Variants in LOC400499 observed in about 807,000 individuals in gnomAD.
At chr16:11,471,897 T>C in the LOC400499 span, 1 of 398,776 alleles carries the variant, frequency 2.5e-6, no homozygotes, top group Non-Finnish European at 4.4e-6. Context: ...AGCTGCCACA[T>C]CAGCAAAGAA....
At chr16:11,523,214 A>AGCTT in the LOC400499 span, among the ~76,000 whole-genome samples, 4 of 152,282 alleles carry the variant, frequency 2.6e-5, no homozygotes, top group East Asian at 7.7e-4. Context: ...TTTTACTCTG[A>AGCTT]GCTTGCTATT....
the LOC400499 span, chr16:11,460,332 G>T: frequency 9.2e-7 from 1 of 1,089,044 alleles, no homozygotes; most frequent in Non-Finnish European, 1.2e-6. Context: ...GACTGAGACT[G>T]AAGTTCCAGC....
the LOC400499 span, among the ~76,000 whole-genome samples, chr16:11,429,942 G>A: frequency 1.3e-5 from 2 of 152,152 alleles, no homozygotes; most frequent in Admixed American, 6.5e-5. Flanking sequence ...TCTCACCCCA[G>A]TTACTTATTA....
At chr16:11,446,080 C>T in the LOC400499 span, among the ~76,000 whole-genome samples, 1 of 152,064 alleles carries the variant, frequency 6.6e-6, no homozygotes, top group African/African-American at 2.4e-5. Context: ...CCGCCTTGGC[C>T]TCCCAAAGTG....
the LOC400499 span, among the ~76,000 whole-genome samples, chr16:11,437,747 T>C: frequency 6.6e-6 from 1 of 152,112 alleles, no homozygotes; most frequent in Admixed American, 6.5e-5. Flanking sequence ...CGCATGCCTG[T>C]AATCCCAGCT....
chr16:11,385,672 T>C, the LOC400499 span, among the ~76,000 whole-genome samples: 2 of 152,236 alleles, frequency 1.3e-5, no homozygotes, highest in Non-Finnish European at 2.9e-5. Context: ...ACAAAAATAC[T>C]GTGCTAAGTA....
the LOC400499 span, among the ~76,000 whole-genome samples, chr16:11,479,479 C>T: frequency 1.4e-3 from 211 of 148,444 alleles, 4 homozygotes; most frequent in South Asian, 0.02. Flanking sequence ...AAAAAAAAGC[C>T]GGGTATGGTG....
chr16:11,459,828 G>A, the LOC400499 span: 2 of 1,248,558 alleles, frequency 1.6e-6, no homozygotes, highest in Non-Finnish European at 2.0e-6. Flanking sequence ...GCCATGTGGG[G>A]GTTCCCCAGC....
chr16:11,460,543 G>A, the LOC400499 span: 22 of 1,535,618 alleles, frequency 1.4e-5, no homozygotes, highest in East Asian at 1.5e-4. Flanking sequence ...TGTAGGCACC[G>A]TCTGAGCCAC....
At chr16:11,441,405 T>G in the LOC400499 span, among the ~76,000 whole-genome samples, 1 of 152,176 alleles carries the variant, frequency 6.6e-6, no homozygotes, top group Admixed American at 6.5e-5. Flanking sequence ...ATGTAGTAGG[T>G]GCTCAATAAA....
chr16:11,423,039 G>C, the LOC400499 span: 3 of 397,640 alleles, frequency 7.5e-6, no homozygotes, highest in Non-Finnish European at 1.3e-5. Context: ...TTGAAGGAGG[G>C]GGACCATGTG....
At chr16:11,445,634 G>A in the LOC400499 span, among the ~76,000 whole-genome samples, 82 of 152,252 alleles carry the variant, frequency 5.4e-4, no homozygotes, top group Middle Eastern at 3.4e-3. Flanking sequence ...GAGGAAATGC[G>A]AAGAGGCTGG....
At chr16:11,380,579 T>C in the LOC400499 span, among the ~76,000 whole-genome samples, 13 of 152,226 alleles carry the variant, frequency 8.5e-5, no homozygotes, top group Non-Finnish European at 2.9e-5. Flanking sequence ...ATTCATAATA[T>C]GCCTTTATTT....
the LOC400499 span, among the ~76,000 whole-genome samples, chr16:11,387,860 C>A: frequency 6.6e-6 from 1 of 152,060 alleles, no homozygotes; most frequent in Non-Finnish European, 1.5e-5. Context: ...CTGACTTCAA[C>A]TGATCTGCCC....
the LOC400499 span, among the ~76,000 whole-genome samples, chr16:11,517,044 C>A: frequency 6.6e-6 from 1 of 152,260 alleles, no homozygotes; most frequent in Admixed American, 6.5e-5. Flanking sequence ...AAGACAGATC[C>A]TCCAAAAGGA....
chr16:11,463,346 GCT>G, the LOC400499 span, among the ~76,000 whole-genome samples: 2 of 146,960 alleles, frequency 1.4e-5, no homozygotes, highest in African/African-American at 5.1e-5. Context: ...ACTACTTAAT[GCT>G]CTCTGTCCCC....
the LOC400499 span, among the ~76,000 whole-genome samples, chr16:11,416,046 C>T: frequency 6.6e-6 from 1 of 151,702 alleles, no homozygotes; most frequent in Admixed American, 6.6e-5. Flanking sequence ...ACCTCCGCCT[C>T]CCAGGTTCGA....
the LOC400499 span, among the ~76,000 whole-genome samples, chr16:11,413,327 G>C: frequency 1.0e-3 from 154 of 152,320 alleles, no homozygotes; most frequent in African/African-American, 3.6e-3. Context: ...TCCTTTGCAG[G>C]AGGGGTGACA....
the LOC400499 span, among the ~76,000 whole-genome samples, chr16:11,451,667 C>T: frequency 2.0e-5 from 3 of 152,202 alleles, no homozygotes; most frequent in African/African-American, 7.2e-5. Flanking sequence ...TTGGTTAGGT[C>T]AGCAAAGGCT....
Sources: allele counts gnomAD v4.1 joint callset (sites outside exome capture counted in the v4.1 genomes callset), GRCh38; gene constraint gnomAD v4.1.1; transcripts MANE v1.5.